CEMIP: variants seen among roughly 807,000 people sequenced by gnomAD.
The protein encoded by CEMIP is cell migration inducing hyaluronidase 1.
In CEMIP, 105 loss-of-function variants were observed where a neutral mutation model predicts 156.9. The ratio of observed to expected loss-of-function variants is 0.67; its 90% CI spans 0.57 to 0.79. CEMIP has a LOEUF of 0.79. CEMIP is among the 30% of genes least tolerant of loss of function. The pLI is 0.00. For synonymous variants in CEMIP, 676 were observed against 668.4 expected, an observed-to-expected ratio of 1.01 and a Z score of -0.17; for missense variants, 1,457 against 1,769.4, an observed-to-expected ratio of 0.82 and a Z score of 3.17.
At chr15:80,942,075 C>CT (rs1167615398) in intron 26 of CEMIP, 22 bp downstream of exon 26, 1 of 1,608,792 alleles carries the variant, frequency 6.2e-7, no homozygotes, top group Admixed American at 1.7e-5. Flanking sequence ...AGAGCAAAGC[C>CT]TAGACCCCTT....
chr15:80,933,123 A>G (rs947657175), intron 22 of CEMIP, 122 bp from the exon 23 acceptor site: 11 of 844,714 alleles, frequency 1.3e-5, no homozygotes, highest in Non-Finnish European at 2.0e-5. Flanking sequence ...AGTGCCCGAG[A>G]GCATCTTTGT....
chr15:80,949,535 A>C lies in CEMIP; in HGVS notation c.*611A>C, dbSNP rs1901728204. 1 of 167,478 alleles carries C rather than the reference A, an allele frequency of 6.0e-6. No homozygotes were observed. The highest frequency in any genetic ancestry group is 1.3e-5 in the Non-Finnish European group (1 of 75,746). The allele number at this position is 167,478 out of a possible 1,614,324, so 10.4% of individuals were successfully genotyped here. On this transcript the variant is annotated 3_prime_UTR_variant, in exon 30 of 30. Coordinates refer to ENST00000394685, the MANE Select transcript of CEMIP (RefSeq NM_001293298.2). Reference sequence around the variant, plus strand: ...GGCAGGTTTGGACTTGGACTAGATGACTCTCAAAGGCCCTTTTAGTTCTGA... The same window carrying C: ...GGCAGGTTTGGACTTGGACTAGATGCCTCTCAAAGGCCCTTTTAGTTCTGA...
At chr15:80,853,776 T>A (rs1161657997) in intron 1 of CEMIP, among the ~76,000 whole-genome samples, 1 of 152,222 alleles carries the variant, frequency 6.6e-6, no homozygotes, top group Non-Finnish European at 1.5e-5. Flanking sequence ...AAGGGCTGAA[T>A]AAACATATAG....
chr15:80,881,608 C>G (rs1205285163), intron 6 of CEMIP, among the ~76,000 whole-genome samples: 1 of 152,154 alleles, frequency 6.6e-6, no homozygotes, highest in Non-Finnish European at 1.5e-5. Flanking sequence ...GTTGTGGGAG[C>G]ACAGCGAGTG....
Position 80,867,924 on chromosome 15 carries a change from C to T in CEMIP, c.-175-5614C>T, listed in dbSNP as rs142053553. On this transcript the variant is annotated intron_variant, in intron 1 of 29. Coordinates refer to ENST00000394685, the MANE Select transcript of CEMIP (RefSeq NM_001293298.2). ...CCTGACCCAGGAGAGGAGGACAGGG[C>T]TCTTACTGGGCAATGTCAGAGAAGG... Among the ~76,000 whole-genome samples, 877 of 152,284 alleles carry T rather than the reference C, an allele frequency of 5.8e-3. 14 individuals carry two copies. Among genetic ancestry groups the T allele is most frequent in the African/African-American group, 0.016 (677 of 41,554 alleles).
intron 5 of CEMIP, among the ~76,000 whole-genome samples, 167 bp from the exon 6 acceptor site, chr15:80,880,733 C>G (rs1040693242): frequency 6.6e-6 from 1 of 152,142 alleles, no homozygotes; most frequent in Admixed American, 6.5e-5. Context: ...ACAAGCCCAG[C>G]CGCTAGTGTT....
intron 1 of CEMIP, among the ~76,000 whole-genome samples, chr15:80,797,529 G>A (rs1007034793): frequency 6.6e-6 from 1 of 152,204 alleles, no homozygotes; most frequent in Non-Finnish European, 1.5e-5. Context: ...CTGGGCACAA[G>A]GGAGGCTAAT....
intron 1 of CEMIP, among the ~76,000 whole-genome samples, chr15:80,872,087 C>T (rs1160644364): frequency 6.6e-6 from 1 of 152,228 alleles, no homozygotes; most frequent in Non-Finnish European, 1.5e-5. Flanking sequence ...TTTCAGTCCC[C>T]TTGCCTGTCC....
chr15:80,845,915 T>C (rs1244477571), intron 1 of CEMIP, among the ~76,000 whole-genome samples: 1 of 152,168 alleles, frequency 6.6e-6, no homozygotes, highest in Non-Finnish European at 1.5e-5. Flanking sequence ...CCCTCCATCC[T>C]CTAGATCTAG....
chr15:80,922,101 A>G lies in CEMIP; in HGVS notation c.2166A>G (p.Gly722=). The change falls in exon 17 of 30, where the codon GGA becomes GGG. Residue 722 remains glycine (G), a synonymous_variant. Transcript: ENST00000394685. The part of the protein sequence containing the change: ...SPGYSEHIPL[G]KFYNNRAHSN... ...GTTATTCAGAGCACATTCCACTGGG[A>G]AAATTCTATAACAACCGAGCACATT... The G allele has an allele frequency of 6.2e-7, 1 of 1,614,254 alleles. No homozygotes were observed. Among genetic ancestry groups the G allele is most frequent in the Non-Finnish European group, 8.5e-7 (1 of 1,180,020 alleles).
At chr15:80,911,988 G>T (rs58620506) in intron 14 of CEMIP, among the ~76,000 whole-genome samples, 1,269 of 149,046 alleles carry the variant, frequency 8.5e-3, no homozygotes, top group African/African-American at 0.032. Context: ...GGAGAGGCTG[G>T]GAGAGCTGGG....
At chr15:80,805,795 A>C (rs1287970175) in intron 1 of CEMIP, among the ~76,000 whole-genome samples, 1 of 152,216 alleles carries the variant, frequency 6.6e-6, no homozygotes, top group Non-Finnish European at 1.5e-5. Context: ...GTTGGGCTTC[A>C]CAGGAAAAAG....
In CEMIP at chr15:80,925,610, T is replaced by C. The variant is rs767344386; in HGVS notation, c.2289-14T>C. The C allele has an allele frequency of 1.2e-6, 2 of 1,611,388 alleles. No individual in the cohort carries two copies. The highest frequency in any genetic ancestry group is 1.7e-6 in the Non-Finnish European group (2 of 1,179,836). ...AACACCGCCACCTGTGCCCTCCCCATGGTTGTGCTGCAGATACAGCCCTCA... is the reference window on the plus strand; with the variant it reads ...AACACCGCCACCTGTGCCCTCCCCACGGTTGTGCTGCAGATACAGCCCTCA... On this transcript the variant is annotated splice_polypyrimidine_tract_variant and intron_variant, in intron 18 of 29. Transcript: ENST00000394685.
At chr15:80,815,305 G>T (rs1045691233) in intron 1 of CEMIP, among the ~76,000 whole-genome samples, 1 of 152,240 alleles carries the variant, frequency 6.6e-6, no homozygotes, top group Non-Finnish European at 1.5e-5. Context: ...AATTCCCAGT[G>T]CTGTGGTGAA....
chr15:80,854,484 G>A (rs1229833419), intron 1 of CEMIP, among the ~76,000 whole-genome samples: 1 of 152,254 alleles, frequency 6.6e-6, no homozygotes, highest in Non-Finnish European at 1.5e-5. Flanking sequence ...TGTGAGCCTG[G>A]TGTCCTGACT....
chr15:80,836,552 C>T (rs11855528), intron 1 of CEMIP, among the ~76,000 whole-genome samples: 136,480 of 152,068 alleles, frequency 0.9, 62,620 homozygotes, highest in East Asian at 1. Context: ...TCAAACGTTT[C>T]TGTTTTCCAT....
chr15:80,877,018 C>T (rs1369216083), intron 3 of CEMIP, among the ~76,000 whole-genome samples: 2 of 152,124 alleles, frequency 1.3e-5, no homozygotes, highest in Non-Finnish European at 2.9e-5. Flanking sequence ...GTGAAAGGCA[C>T]ATCTTACAGG....
At chr15:80,812,924 T>C (rs1195093166) in intron 1 of CEMIP, among the ~76,000 whole-genome samples, 1 of 152,196 alleles carries the variant, frequency 6.6e-6, no homozygotes, top group Non-Finnish European at 1.5e-5. Context: ...CTATGATGGC[T>C]TCATTGAAAA....
chr15:80,895,741 G>A, intron 11 of CEMIP, 128 bp from the exon 12 acceptor site: 2 of 816,014 alleles, frequency 2.5e-6, no homozygotes, highest in African/African-American at 1.7e-5. Context: ...GAGCAAGCCA[G>A]TGATCTGGGT....
Sources: allele counts gnomAD v4.1 joint callset (sites outside exome capture counted in the v4.1 genomes callset), GRCh38; gene constraint gnomAD v4.1.1; transcripts MANE v1.5; gene names NCBI Gene and HGNC (gene_info 2026-07-23, HGNC 2026-07-21).